CACHD1: variants seen among roughly 807,000 people sequenced by gnomAD.
The protein encoded by CACHD1 is cache domain containing 1.
CACHD1 carries 71 observed loss-of-function variants against 138.7 expected under a neutral mutation model. The ratio of observed to expected loss-of-function variants is 0.51; its 90% confidence interval spans 0.42 to 0.62. The LOEUF is 0.62. CACHD1 is among the 20% of genes least tolerant of loss of function. The pLI, the probability that CACHD1 is intolerant of heterozygous loss-of-function variation, is 0.00. For synonymous variants in CACHD1, 578 were observed against 591.5 expected (o/e 0.98, Z 0.33); for missense variants, 1,389 against 1,625.3 (o/e 0.85, Z 2.50).
At chr1:64,630,618 TCC>T (rs1316111406) in intron 5 of CACHD1, among the ~76,000 whole-genome samples, 5 of 152,156 alleles carry the variant, frequency 3.3e-5, no homozygotes, top group African/African-American at 1.2e-4. Flanking sequence ...TGTGGTTTCT[TCC>T]TTTCCCTCCC....
intron 3 of CACHD1, among the ~76,000 whole-genome samples, chr1:64,602,409 G>A (rs1647226222): frequency 6.7e-6 from 1 of 150,108 alleles, no homozygotes; most frequent in Admixed American, 6.6e-5. Flanking sequence ...TTGGTCATTG[G>A]TTTTCAAATA....
intron 1 of CACHD1, among the ~76,000 whole-genome samples, chr1:64,485,985 T>C (rs1019171224): frequency 6.6e-6 from 1 of 152,190 alleles, no homozygotes; most frequent in Non-Finnish European, 1.5e-5. Context: ...CCACCAGCAA[T>C]GTATGAAAGT....
intron 1 of CACHD1, among the ~76,000 whole-genome samples, chr1:64,506,691 T>G (rs1646379572): frequency 1.3e-5 from 2 of 152,254 alleles, no homozygotes; most frequent in African/African-American, 4.8e-5. Context: ...ATTCTTATGC[T>G]AAGTATCTGG....
chr1:64,637,416 A>C (rs1000706450), intron 7 of CACHD1, among the ~76,000 whole-genome samples: 2 of 152,204 alleles, frequency 1.3e-5, no homozygotes, highest in African/African-American at 4.8e-5. Context: ...TTCTGTTTCA[A>C]GAGATGCCAG....
chr1:64,675,700 G>A lies in CACHD1; in HGVS notation c.2888+139G>A, dbSNP rs1157410272. 12 of 1,079,604 alleles carry A rather than the reference G, an allele frequency of 1.1e-5. No individual in the cohort carries two copies. In the East Asian group the frequency reaches 2.9e-4, roughly 26 times the overall value. The allele number at this position is 1,079,604 out of a possible 1,614,324, so 66.9% of individuals were successfully genotyped here. A position where few individuals can be genotyped will look rare whatever the true frequency, so the allele number is the denominator to read the frequency against. On this transcript the variant is annotated intron_variant, in intron 20 of 26. Transcript: ENST00000651257. ...AAAGTCACAGTTACAAAGCCACTTAGAGCTGTGCCGTTTGCAGCATCCTTG... is the reference window on the plus strand; with the variant it reads ...AAAGTCACAGTTACAAAGCCACTTAAAGCTGTGCCGTTTGCAGCATCCTTG...
chr1:64,549,220 A>G (rs1353333999), intron 1 of CACHD1, among the ~76,000 whole-genome samples: 4 of 152,206 alleles, frequency 2.6e-5, no homozygotes, highest in Admixed American at 6.5e-5. Context: ...TGAAAGTTAA[A>G]TAAATAAATG....
intron 1 of CACHD1, among the ~76,000 whole-genome samples, chr1:64,491,848 T>G (rs2100299115): frequency 6.6e-6 from 1 of 152,286 alleles, no homozygotes; most frequent in East Asian, 1.9e-4. Flanking sequence ...CTCAGACTCC[T>G]GGACTCAAGC....
chr1:64,497,024 G>A (rs1349784678), intron 1 of CACHD1, among the ~76,000 whole-genome samples: 1 of 151,714 alleles, frequency 6.6e-6, no homozygotes, highest in Non-Finnish European at 1.5e-5. Flanking sequence ...AGCAGGGTGG[G>A]AATTTGGTCC....
chr1:64,609,258 G>A (rs1351363509), intron 4 of CACHD1, among the ~76,000 whole-genome samples: 2 of 152,090 alleles, frequency 1.3e-5, no homozygotes, highest in Non-Finnish European at 2.9e-5. Context: ...CAATGAAAAG[G>A]CCATGTTCTA....
At chr1:64,476,906 C>T (rs998148970) in intron 1 of CACHD1, among the ~76,000 whole-genome samples, 1 of 152,084 alleles carries the variant, frequency 6.6e-6, no homozygotes, top group South Asian at 2.1e-4. Context: ...CAGGCAGGAA[C>T]CTTGCAGAAC....
chr1:64,473,950 G>A (rs947594543), intron 1 of CACHD1, among the ~76,000 whole-genome samples: 4 of 152,164 alleles, frequency 2.6e-5, no homozygotes, highest in South Asian at 2.1e-4. Context: ...TTCCCATGAC[G>A]TAGTTTTCGC....
intron 1 of CACHD1, among the ~76,000 whole-genome samples, chr1:64,477,621 ATTATTT>A (rs1431177204): frequency 7.7e-6 from 1 of 129,826 alleles, no homozygotes; most frequent in Non-Finnish European, 1.6e-5. Context: ...TATTATTATT[ATTATTT>A]TATTTTATTT....
chr1:64,691,804 CT>C lies in CACHD1; in HGVS notation c.*244del, dbSNP rs1184983051. The C allele has an allele frequency of 2.1e-5, 11 of 523,146 alleles. No homozygotes were observed. The Admixed American group carries it at 3.5e-4, about 17-fold the overall frequency. 32.4% of individuals were successfully genotyped at this position (523,146 alleles called of 1,614,324 possible). A position where few individuals can be genotyped will look rare whatever the true frequency, so the allele number is the denominator to read the frequency against. On this transcript the variant is annotated 3_prime_UTR_variant, in exon 27 of 27. Coordinates refer to ENST00000651257, the MANE Select transcript of CACHD1 (RefSeq NM_020925.4). ...GGGGAAATAAGCCTGATGAACAGAC[CT>C]GCCATAACACTAATGGAAGGTAACA...
At chr1:64,500,987 C>T (rs1359579273) in intron 1 of CACHD1, among the ~76,000 whole-genome samples, 3 of 150,058 alleles carry the variant, frequency 2.0e-5, no homozygotes, top group Non-Finnish European at 4.4e-5. Context: ...AGGCAGAGGT[C>T]GCAGTGAGCC....
chr1:64,523,320 A>C (rs1403149607), intron 1 of CACHD1, among the ~76,000 whole-genome samples: 1 of 152,192 alleles, frequency 6.6e-6, no homozygotes, highest in East Asian at 1.9e-4. Context: ...GTGGGGGTTT[A>C]TTATACTGTT....
chr1:64,512,815 G>A (rs1179877302), intron 1 of CACHD1, among the ~76,000 whole-genome samples: 1 of 152,184 alleles, frequency 6.6e-6, no homozygotes. Context: ...GTATATGCAT[G>A]TAAGTTTGAT....
chr1:64,660,843 A>T (rs913710572), intron 13 of CACHD1, among the ~76,000 whole-genome samples: 7 of 152,196 alleles, frequency 4.6e-5, no homozygotes, highest in African/African-American at 1.7e-4. Context: ...GCTTTTCTTA[A>T]TGTGGCTACT....
chr1:64,680,414 G>T (rs1650134760), intron 24 of CACHD1, among the ~76,000 whole-genome samples: 1 of 151,970 alleles, frequency 6.6e-6, no homozygotes. Flanking sequence ...CTTGAACCCA[G>T]GAGATGGAAG....
chr1:64,601,356 A>G (rs1473707075), intron 3 of CACHD1, among the ~76,000 whole-genome samples: 1 of 152,176 alleles, frequency 6.6e-6, no homozygotes, highest in Non-Finnish European at 1.5e-5. Context: ...TGCTGTATTA[A>G]TCTCTTATTT....
Sources: gnomAD v4.1 joint callset for allele counts (sites outside exome capture counted in the v4.1 genomes callset) on GRCh38, gnomAD v4.1.1 for gene constraint, MANE v1.5 for transcripts, NCBI Gene and HGNC (gene_info 2026-07-23, HGNC 2026-07-21) for gene names.